The following SYNE2 variants were observed in gnomAD, a reference collection of about 807,000 sequenced individuals.
SYNE2 encodes the protein nesprin-2.
SYNE2 carries 431 observed loss-of-function variants against 856.3 expected under a neutral mutation model. That is an observed-to-expected ratio of 0.50 (90% CI 0.47 to 0.55). The LOEUF is 0.55. Ranked by LOEUF, SYNE2 falls within the 20% of genes least tolerant of loss-of-function variation. The pLI is 0.00. For missense variants in SYNE2, 8,129 were observed against 8,023.2 expected (o/e 1.01, Z -0.50); for synonymous variants, 2,923 against 2,872.3 (o/e 1.02, Z -0.56).
intron 2 of SYNE2, among the ~76,000 whole-genome samples, chr14:63,926,081 C>T (rs1427013146): frequency 6.6e-6 from 1 of 151,986 alleles, no homozygotes; most frequent in Non-Finnish European, 1.5e-5. Flanking sequence ...TGAGCTCAAG[C>T]GATCTGCCCA....
chr14:63,869,561 A>T (rs1896314811), intron 1 of SYNE2, among the ~76,000 whole-genome samples: 1 of 132,816 alleles, frequency 7.5e-6, no homozygotes, highest in Admixed American at 8.9e-5. Context: ...TGGTGGGGGA[A>T]GGGGGCAGAG....
chr14:64,217,353 C>G (rs921129068), intron 108 of SYNE2, among the ~76,000 whole-genome samples: 6 of 152,160 alleles, frequency 3.9e-5, no homozygotes, highest in Non-Finnish European at 5.9e-5. Context: ...TTACATTTCC[C>G]TCAGCTGCCT....
chr14:64,059,657 C>A (rs138291169), intron 49 of SYNE2, among the ~76,000 whole-genome samples: 63 of 152,336 alleles, frequency 4.1e-4, no homozygotes, highest in African/African-American at 1.4e-3. Context: ...TGCCCAAGGC[C>A]CTCTGTAAAC....
chr14:64,150,010 T>TC (rs2098225709), intron 84 of SYNE2, among the ~76,000 whole-genome samples: 2 of 57,220 alleles, frequency 3.5e-5, no homozygotes, highest in African/African-American at 1.5e-4. Flanking sequence ...TTCTTTTCTT[T>TC]TTTTTTTTTT....
chr14:63,989,030 T>C (rs995844902), intron 19 of SYNE2, among the ~76,000 whole-genome samples: 3 of 152,138 alleles, frequency 2.0e-5, no homozygotes, highest in South Asian at 4.1e-4. Context: ...CACTTATTGT[T>C]TTAATGGGTA....
At chr14:63,911,558 T>C (rs2095474174) in intron 2 of SYNE2, among the ~76,000 whole-genome samples, 3 of 152,352 alleles carry the variant, frequency 2.0e-5, no homozygotes, top group African/African-American at 7.2e-5. Flanking sequence ...AGAAAGAGGC[T>C]GCAGCTCAGA....
intron 52 of SYNE2, among the ~76,000 whole-genome samples, chr14:64,072,635 G>T (rs1407393707): frequency 6.6e-6 from 1 of 152,132 alleles, no homozygotes; most frequent in Non-Finnish European, 1.5e-5. Flanking sequence ...GAGTAGCTGG[G>T]ATTACACGCA....
At chr14:64,054,106 G>A (rs2097250228) in intron 48 of SYNE2, among the ~76,000 whole-genome samples, 1 of 152,196 alleles carries the variant, frequency 6.6e-6, no homozygotes, top group African/African-American at 2.4e-5. Context: ...CAGAAAGATA[G>A]CCATTTTCAA....
chr14:63,833,146 C>T (rs1889729856), intron 1 of SYNE2, among the ~76,000 whole-genome samples: 1 of 152,002 alleles, frequency 6.6e-6, no homozygotes, highest in African/African-American at 2.4e-5. Flanking sequence ...GATTTCAAGG[C>T]TGCAGTGCAC....
chr14:63,997,376 G>A lies in SYNE2; in HGVS notation c.3228G>A (p.Gln1076=). 2 of 1,612,664 alleles carry A rather than the reference G, an allele frequency of 1.2e-6. No homozygotes were observed. Among genetic ancestry groups the A allele is most frequent in the Non-Finnish European group, 1.7e-6 (2 of 1,179,388 alleles). Residue 1076 remains glutamine, a synonymous_variant, in exon 25 of 116, where the codon CAG becomes CAA. Transcript: ENST00000555002. ...SEAPFAKSDN[Q]PSTEKAMEPT... ...CACCATTTGCAAAATCAGATAATCA[G>A]CCATCAACTGAAAAGGTGTTAAATG... is the stretch of plus-strand genomic sequence containing the variant.
intron 11 of SYNE2, among the ~76,000 whole-genome samples, chr14:63,974,792 A>ATATGTGTATATG (rs1555407053): frequency 8.1e-6 from 1 of 123,482 alleles, no homozygotes; most frequent in Non-Finnish European, 1.7e-5. Context: ...GTGTATATAT[A>ATATGTGTATATG]TGTGTATATA....
intron 80 of SYNE2, among the ~76,000 whole-genome samples, chr14:64,140,972 T>C (rs2098134814): frequency 2.6e-5 from 4 of 152,196 alleles, no homozygotes; most frequent in Non-Finnish European, 1.5e-5. Context: ...TTCAACATAC[T>C]TGAAAGAATT....
chr14:63,875,438 AT>A (rs974865828), intron 1 of SYNE2, among the ~76,000 whole-genome samples: 3 of 152,208 alleles, frequency 2.0e-5, no homozygotes, highest in African/African-American at 7.2e-5. Context: ...AAGATTCACA[AT>A]AACAATGACA....
chr14:63,932,458 A>C (rs970673721), intron 2 of SYNE2, among the ~76,000 whole-genome samples: 1 of 151,986 alleles, frequency 6.6e-6, no homozygotes, highest in Non-Finnish European at 1.5e-5. Context: ...TGTAATCCCA[A>C]CACTTTGGGA....
intron 57 of SYNE2, chr14:64,084,804 G>A (rs891399575): frequency 6.8e-6 from 4 of 589,930 alleles, no homozygotes; most frequent in Admixed American, 5.6e-5. Flanking sequence ...GCTTAGCTAA[G>A]TATCTCTGGC....
In SYNE2 at chr14:64,190,103, A is replaced by G. The variant is rs1037370191; in HGVS notation, c.17904A>G (p.Glu5968=). ...DCMEEINLFS[E]NKLQLKQMGD... Reference sequence around the variant, plus strand: ...TGGAAGAAATAAACTTGTTTAGTGAAAACAAGTTACAGTTAAAGCAGATGG... The same window carrying G: ...TGGAAGAAATAAACTTGTTTAGTGAGAACAAGTTACAGTTAAAGCAGATGG... The change falls in exon 99 of 116, where the codon GAA becomes GAG. Residue 5968 remains glutamate, a synonymous_variant. Coordinates refer to ENST00000555002, the MANE Select transcript of SYNE2 (RefSeq NM_182914.3). 1.9e-6 allele frequency: 3 copies of G among 1,613,994 alleles called. No homozygotes were observed. The African/African-American group carries it at 4.0e-5, about 22-fold the overall frequency.
At chr14:63,779,588 T>C (rs1887236227) in intron 1 of SYNE2, among the ~76,000 whole-genome samples, 1 of 152,000 alleles carries the variant, frequency 6.6e-6, no homozygotes, top group African/African-American at 2.4e-5. Context: ...CAACATTGTA[T>C]TAGAAATCTT....
Position 64,214,427 on chromosome 14 carries a change from T to G in SYNE2, c.19290T>G (p.Ser6430=). The part of the protein sequence containing the change: ...DHTGDVGGSS[S]HEEDEEGPYY... ...CAGGCGACGTGGGGGGCTCCTCCTC[T>G]CACGAAGAGGACGAGGAGGGCCCAT... The change falls in exon 106 of 116, where the codon TCT becomes TCG. Residue 6430 remains serine, a synonymous_variant. Coordinates refer to ENST00000555002, the MANE Select transcript of SYNE2 (RefSeq NM_182914.3). 1.9e-6 allele frequency: 3 copies of G among 1,613,856 alleles called. No individual in the cohort carries two copies. The East Asian group carries it at 6.7e-5, about 36-fold the overall frequency.
chr14:64,143,438 A>G (rs1347224194), intron 82 of SYNE2, among the ~76,000 whole-genome samples: 1 of 152,202 alleles, frequency 6.6e-6, no homozygotes, highest in Admixed American at 6.5e-5. Context: ...ATGGCCCAGA[A>G]TTCCAGCACA....
Sources: allele counts gnomAD v4.1 joint callset (sites outside exome capture counted in the v4.1 genomes callset), GRCh38; gene constraint gnomAD v4.1.1; transcripts MANE v1.5; gene names NCBI Gene and HGNC (gene_info 2026-07-23, HGNC 2026-07-21).